CSMD2: variants seen among roughly 807,000 people sequenced by gnomAD.
The protein encoded by CSMD2 is CUB and sushi domain-containing protein 2.
A neutral mutation model predicts 398.5 loss-of-function variants in CSMD2; 130 were observed. The ratio of observed to expected loss-of-function variants is 0.33; its 90% CI spans 0.28 to 0.38. The LOEUF is 0.38. Ranked by LOEUF, CSMD2 falls within the 10% of genes least tolerant of loss-of-function variation. The pLI is 1.00. For synonymous variants in CSMD2, 1,828 were observed against 1,908.5 expected (o/e 0.96, Z 1.10); for missense variants, 3,829 against 4,764.9 (o/e 0.80, Z 5.78).
At position 33,614,962 on chromosome 1, in the gene CSMD2, G is replaced by A. The variant is rs574190716; in HGVS notation, c.6017-342C>T. ...AAAAGAAGTCCAACCATTTCTTACC[G>A]TATCCCCCAAATCTCCCTCTCCTCA... On this transcript the variant is annotated intron_variant, in intron 39 of 70. Coordinates refer to ENST00000373381, the MANE Select transcript of CSMD2 (RefSeq NM_001281956.2). Among the ~76,000 whole-genome samples, 26 of 152,224 alleles carry A rather than the reference G, an allele frequency of 1.7e-4. No homozygotes were observed. The South Asian group carries it at 2.5e-3, about 15-fold the overall frequency.
chr1:33,876,592 G>A (rs1048535261), intron 5 of CSMD2, among the ~76,000 whole-genome samples: 1 of 152,204 alleles, frequency 6.6e-6, no homozygotes, highest in Non-Finnish European at 1.5e-5. Flanking sequence ...ATAACCTGTG[G>A]CTTGCAGGTG....
intron 15 of CSMD2, 62 bp downstream of exon 15, chr1:33,739,078 G>C: frequency 6.6e-7 from 1 of 1,517,018 alleles, no homozygotes; most frequent in Non-Finnish European, 8.9e-7. Flanking sequence ...TGGGCTGCTT[G>C]CTCCCCCTCC....
intron 3 of CSMD2, among the ~76,000 whole-genome samples, chr1:34,008,218 T>G (rs1647121982): frequency 6.6e-6 from 1 of 152,146 alleles, no homozygotes; most frequent in African/African-American, 2.4e-5. Context: ...GTTCCTTCAT[T>G]TCACCTTCCA....
At chr1:33,594,769 C>T (rs1334077016) in intron 44 of CSMD2, among the ~76,000 whole-genome samples, 1 of 152,168 alleles carries the variant, frequency 6.6e-6, no homozygotes, top group Non-Finnish European at 1.5e-5. Context: ...TGCTTCTGCT[C>T]TCGCTGATTC....
At chr1:33,634,806 T>G (rs1319159588) in intron 31 of CSMD2, among the ~76,000 whole-genome samples, 1 of 152,132 alleles carries the variant, frequency 6.6e-6, no homozygotes, top group Non-Finnish European at 1.5e-5. Context: ...CTCCCTCACC[T>G]GCACTTTCAA....
intron 2 of CSMD2, among the ~76,000 whole-genome samples, chr1:34,044,456 C>A (rs1406345537): frequency 6.6e-6 from 1 of 151,980 alleles, no homozygotes; most frequent in Non-Finnish European, 1.5e-5. Flanking sequence ...TTCTGTGGAA[C>A]CCTCTCTGGG....
chr1:33,784,133 G>C (rs1219985401), intron 12 of CSMD2, among the ~76,000 whole-genome samples: 1 of 152,216 alleles, frequency 6.6e-6, no homozygotes, highest in African/African-American at 2.4e-5. Context: ...CAGAGTTTGG[G>C]TTGAGGCTGA....
At chr1:33,820,584 A>AAAAC in intron 7 of CSMD2, 28 bp from the exon 8 acceptor site, 1 of 1,132,926 alleles carries the variant, frequency 8.8e-7, no homozygotes, top group Non-Finnish European at 1.3e-6. Context: ...AAAAAAAAAA[A>AAAAC]AAAACAGCAC....
intron 5 of CSMD2, among the ~76,000 whole-genome samples, chr1:33,900,086 C>T (rs1642649136): frequency 6.6e-6 from 1 of 152,162 alleles, no homozygotes; most frequent in African/African-American, 2.4e-5. Flanking sequence ...GGAGGAAAGC[C>T]CTTCCAGGTG....
At chr1:33,714,366 A>T (rs1646091259) in intron 21 of CSMD2, among the ~76,000 whole-genome samples, 1 of 152,214 alleles carries the variant, frequency 6.6e-6, no homozygotes, top group African/African-American at 2.4e-5. Flanking sequence ...GTTTATACAG[A>T]ACTGCCTGAT....
Position 33,611,124 on chromosome 1 carries a change from A to C in CSMD2, c.6260T>G (p.Leu2087Arg). The C allele has an allele frequency of 1.2e-6, 2 of 1,613,860 alleles. No individual in the cohort carries two copies. Among genetic ancestry groups the C allele is most frequent in the South Asian group, 1.1e-5 (1 of 91,016 alleles). The change falls in exon 41 of 71, where the codon CTC becomes CGC. Residue 2087 changes from leucine (L) to arginine (R), a missense_variant. Leu to Arg is a moderately radical substitution (Grantham distance 102, BLOSUM62 -2). Around this residue, in one of 5 missense-constraint regions of CSMD2, gnomAD observed 2,001 missense variants for 2,567.1 expected, o/e 0.78. Coordinates refer to ENST00000373381, the MANE Select transcript of CSMD2 (RefSeq NM_001281956.2). ...GGTGGTCTCGTGGGACGTGGAGAGGAGGGAGCTTGGAAGCTCGCTTCCACT... is the reference window on the plus strand; with the variant it reads ...GGTGGTCTCGTGGGACGTGGAGAGGCGGGAGCTTGGAAGCTCGCTTCCACT... ...RFSGSELPSS[L>R]LSTSHETTVY...
intron 32 of CSMD2, among the ~76,000 whole-genome samples, chr1:33,630,977 C>T (rs940686259): frequency 6.6e-6 from 1 of 151,548 alleles, no homozygotes; most frequent in Non-Finnish European, 1.5e-5. Context: ...ATGAACAGAG[C>T]TCTCAATTCA....
chr1:33,956,437 G>C (rs941187114), intron 3 of CSMD2, among the ~76,000 whole-genome samples: 1 of 152,070 alleles, frequency 6.6e-6, no homozygotes, highest in Non-Finnish European at 1.5e-5. Flanking sequence ...TTTGTGACTG[G>C]CATCCTTCAC....
intron 53 of CSMD2, 100 bp downstream of exon 53, chr1:33,567,493 A>ATT: frequency 1.3e-6 from 1 of 779,732 alleles, no homozygotes; most frequent in Non-Finnish European, 1.9e-6. Flanking sequence ...ATATATATAT[A>ATT]TATTTAAAAC....
At position 33,518,127 on chromosome 1, in the gene CSMD2, G is replaced by A. The variant is rs1653927033; in HGVS notation, c.*53+1338C>T. On this transcript the variant is annotated intron_variant, in intron 70 of 70. Transcript: ENST00000373381. This position sits in a 1 kb window ranked among gnomAD's most constrained non-coding sequence, Gnocchi z 4.3. ...GGAATCCCTACCTGGCTGGCTCTGT[G>A]ACTCTTCTCCCCAGAGTCCTTCAGC... Among the ~76,000 whole-genome samples the A allele has an allele frequency of 1.3e-5, 2 of 152,250 alleles. No individual in the cohort carries two copies. The highest frequency in any genetic ancestry group is 2.9e-5 in the Non-Finnish European group (2 of 68,050).
At chr1:33,729,453 CTTTT>C (rs200820125) in intron 15 of CSMD2, among the ~76,000 whole-genome samples, 1 of 103,828 alleles carries the variant, frequency 9.6e-6, no homozygotes, top group African/African-American at 3.4e-5. Context: ...GGGGAGGATT[CTTTT>C]TTTTTTTTTT....
At chr1:33,758,098 C>T (rs531085507) in intron 13 of CSMD2, among the ~76,000 whole-genome samples, 3 of 152,292 alleles carry the variant, frequency 2.0e-5, no homozygotes, top group Admixed American at 1.3e-4. Context: ...TGACCTAAGG[C>T]CCTTGCCAAT....
At chr1:33,962,888 C>T (rs567541511) in intron 3 of CSMD2, among the ~76,000 whole-genome samples, 2 of 152,220 alleles carry the variant, frequency 1.3e-5, no homozygotes, top group African/African-American at 4.8e-5. Context: ...CCTGTAACCA[C>T]ACTGTTTATT....
chr1:33,548,861 T>C (rs923161303), intron 56 of CSMD2, among the ~76,000 whole-genome samples: 1 of 152,216 alleles, frequency 6.6e-6, no homozygotes, highest in Non-Finnish European at 1.5e-5. Flanking sequence ...TTCTACCAGA[T>C]GTCCAAACAG....
Sources: allele counts gnomAD v4.1 joint callset (sites outside exome capture counted in the v4.1 genomes callset), GRCh38; gene constraint gnomAD v4.1.1; regional missense constraint gnomAD v4.1.1; non-coding constraint Gnocchi (gnomAD v3.1); transcripts MANE v1.5; gene names NCBI Gene and HGNC (gene_info 2026-07-23, HGNC 2026-07-21).